The following SYNJ1 variants were observed in gnomAD, a reference collection of about 807,000 sequenced individuals.
SYNJ1 encodes synaptojanin 1, also known as polyphosphatidylinositol phosphatase SYNJ1.
Under a neutral mutation model 168.2 loss-of-function variants are expected in SYNJ1, and 78 were observed. That is an observed-to-expected ratio of 0.46 (90% CI 0.39 to 0.56). The LOEUF is 0.56. Ranked by LOEUF, SYNJ1 falls within the 20% of genes least tolerant of loss-of-function variation. The probability of loss-of-function intolerance (pLI) is 0.00; values close to 1 mark genes in which losing one functional copy is unlikely to be tolerated. For missense variants in SYNJ1, 1,303 were observed against 1,597.6 expected (o/e 0.82, Z 3.14); for synonymous variants, 539 against 548.6 (o/e 0.98, Z 0.24).
chr21:32,664,715 A>G (rs1195599707), intron 18 of SYNJ1, among the ~76,000 whole-genome samples, 198 bp downstream of exon 18: 10 of 152,102 alleles, frequency 6.6e-5, no homozygotes, highest in Admixed American at 6.6e-4. Context: ...TTCCTTCTAC[A>G]ACTTGGTGTC....
chr21:32,649,950 A>C (rs1046947146), intron 23 of SYNJ1, among the ~76,000 whole-genome samples: 1 of 152,246 alleles, frequency 6.6e-6, no homozygotes, highest in South Asian at 2.1e-4. Flanking sequence ...GGGTTTCGCC[A>C]TGTTGGACAG....
chr21:32,653,388 A>T (rs1406826759), intron 21 of SYNJ1, 22 bp from the exon 22 acceptor site: 2 of 1,555,116 alleles, frequency 1.3e-6, no homozygotes, highest in South Asian at 2.2e-5. Flanking sequence ...ACAATAAAAA[A>T]CCATAATTAA....
At chr21:32,657,216 G>A (rs889434255) in intron 19 of SYNJ1, 96 bp from the exon 20 acceptor site, 3 of 807,782 alleles carry the variant, frequency 3.7e-6, no homozygotes, top group Non-Finnish European at 4.0e-6. Flanking sequence ...ATGAGCTTCA[G>A]TGGTTTGAGG....
rs1413549148 is a variant in SYNJ1, at chr21:32,727,909, G to A, written c.-23+37C>T. 19 of 1,531,030 alleles carry A rather than the reference G, an allele frequency of 1.2e-5. No homozygotes were observed. In the Admixed American group the frequency reaches 3.3e-4, roughly 27 times the overall value. The allele number at this position is 1,531,030 out of a possible 1,614,324, so 94.8% of individuals were successfully genotyped here. Reference sequence around the variant, plus strand: ...GCCCGCCCGGCTGCCCGTGGGTCTGGCCGCAGCAGCTCCCCGCCCCCCGCC... The same window carrying A: ...GCCCGCCCGGCTGCCCGTGGGTCTGACCGCAGCAGCTCCCCGCCCCCCGCC... On this transcript the variant is annotated intron_variant, in intron 1 of 32. Coordinates refer to ENST00000674351, the MANE Select transcript of SYNJ1 (RefSeq NM_203446.3).
intron 2 of SYNJ1, among the ~76,000 whole-genome samples, chr21:32,715,305 C>G (rs964575091): frequency 1.3e-5 from 2 of 152,104 alleles, no homozygotes; most frequent in East Asian, 1.9e-4. Flanking sequence ...AAACCTGTCT[C>G]TAATAAAGAG....
intron 12 of SYNJ1, among the ~76,000 whole-genome samples, chr21:32,676,932 T>C (rs1047551721): frequency 2.0e-5 from 3 of 152,124 alleles, no homozygotes; most frequent in South Asian, 2.1e-4. Context: ...TCAAAAAAGA[T>C]GGGAACCTCA....
intron 31 of SYNJ1, among the ~76,000 whole-genome samples, chr21:32,638,340 C>T (rs555125648): frequency 1.7e-4 from 26 of 152,308 alleles, no homozygotes; most frequent in African/African-American, 6.3e-4. Context: ...TGTTAGGGTT[C>T]ACTCATCTCA....
chr21:32,706,757 T>TC (rs1312076642), intron 2 of SYNJ1, among the ~76,000 whole-genome samples: 1 of 152,064 alleles, frequency 6.6e-6, no homozygotes, highest in Non-Finnish European at 1.5e-5. Context: ...TTTATGAGAC[T>TC]CCATAAACTT....
chr21:32,687,164 A>C, intron 7 of SYNJ1, 90 bp from the exon 8 acceptor site: 1 of 636,130 alleles, frequency 1.6e-6, no homozygotes, highest in Non-Finnish European at 2.5e-6. Context: ...TATAACTTAC[A>C]TGGCAGTATT....
intron 2 of SYNJ1, among the ~76,000 whole-genome samples, chr21:32,716,078 A>T (rs1273307899): frequency 6.6e-6 from 1 of 152,242 alleles, no homozygotes; most frequent in Non-Finnish European, 1.5e-5. Context: ...AAGATAAAAT[A>T]CAAATTCTTA....
intron 9 of SYNJ1, among the ~76,000 whole-genome samples, chr21:32,685,202 CTT>C (rs1350205785): frequency 6.9e-6 from 1 of 145,250 alleles, no homozygotes; most frequent in Non-Finnish European, 1.5e-5. Context: ...AAAAAAAAGA[CTT>C]AAGTACACTG....
At chr21:32,674,801 T>A (rs1388660481) in intron 13 of SYNJ1, among the ~76,000 whole-genome samples, 1 of 152,190 alleles carries the variant, frequency 6.6e-6, no homozygotes, top group Non-Finnish European at 1.5e-5. Flanking sequence ...TACCACATGA[T>A]CTTATTTTAT....
intron 13 of SYNJ1, among the ~76,000 whole-genome samples, chr21:32,675,170 T>C (rs845024): frequency 0.55 from 83,717 of 152,014 alleles, 23,683 homozygotes; most frequent in African/African-American, 0.68. Context: ...GCGAACATAG[T>C]GTCTATAATC....
At chr21:32,655,767 A>AACACATGC (rs971053609) in intron 21 of SYNJ1, among the ~76,000 whole-genome samples, 1 of 152,230 alleles carries the variant, frequency 6.6e-6, no homozygotes, top group African/African-American at 2.4e-5. Flanking sequence ...ATGAAATCCA[A>AACACATGC]ACACATGCAC....
chr21:32,669,666 C>T (rs2041105249), intron 15 of SYNJ1, among the ~76,000 whole-genome samples: 2 of 152,186 alleles, frequency 1.3e-5, no homozygotes, highest in East Asian at 3.8e-4. Context: ...GTCTTATCCA[C>T]ACACTACACC....
At chr21:32,643,701 C>A (rs2039946136) in intron 26 of SYNJ1, among the ~76,000 whole-genome samples, 2 of 152,132 alleles carry the variant, frequency 1.3e-5, no homozygotes, top group Admixed American at 1.3e-4. Context: ...TTTATGTATG[C>A]AATTACTACC....
In SYNJ1 at chr21:32,664,475, T is replaced by A. The variant is rs149509565; in HGVS notation, c.2304+438A>T. On this transcript the variant is annotated intron_variant, in intron 18 of 32. Transcript: ENST00000674351. ...CCTAACCGCTTGTGCTATCTATAGA[T>A]TTCAGACATTGTATGGAAAAGCATC... Among the ~76,000 whole-genome samples, 829 of 151,970 alleles carry A rather than the reference T, an allele frequency of 5.5e-3. 8 individuals carry two copies. The highest frequency in any genetic ancestry group is 0.019 in the African/African-American group (793 of 41,460).
Position 32,650,366 on chromosome 21 carries a change from A to G in SYNJ1, c.2875-20T>C, listed in dbSNP as rs187333014. The G allele has an allele frequency of 1.4e-5, 22 of 1,578,276 alleles. No homozygotes were observed. The Admixed American group carries it at 2.2e-4, about 16-fold the overall frequency. ...CAATAACTAGCGGAGTAAAAGAGAT[A>G]TAAAATAAAGATTAACATGAAAGCT... On this transcript the variant is annotated intron_variant, in intron 22 of 32. Coordinates refer to ENST00000674351, the MANE Select transcript of SYNJ1 (RefSeq NM_203446.3).
At chr21:32,696,928 T>C (rs954167853) in intron 4 of SYNJ1, among the ~76,000 whole-genome samples, 4 of 152,240 alleles carry the variant, frequency 2.6e-5, no homozygotes, top group Non-Finnish European at 5.9e-5. Flanking sequence ...TAAACTTCCA[T>C]ACTTTACTAT....
Sources: gnomAD v4.1 joint callset for allele counts (sites outside exome capture counted in the v4.1 genomes callset) on GRCh38, gnomAD v4.1.1 for gene constraint, MANE v1.5 for transcripts, NCBI Gene and HGNC (gene_info 2026-07-23, HGNC 2026-07-21) for gene names.